The following TMPRSS15 variants were observed in gnomAD, a reference collection of about 807,000 sequenced individuals.
The protein encoded by TMPRSS15 is enteropeptidase.
In TMPRSS15, 128 loss-of-function variants were observed where a neutral mutation model predicts 125.3. The observed-to-expected ratio is 1.02, with a 90% CI of 0.89 to 1.18. The LOEUF (loss-of-function observed/expected upper bound fraction) is 1.18. TMPRSS15 is among the 50% of genes most tolerant of loss of function. TMPRSS15 has a pLI of 0.00. For synonymous variants in TMPRSS15, 446 were observed against 423.2 expected (o/e 1.05, Z -0.66); for missense variants, 1,283 against 1,212.7 (o/e 1.06, Z -0.86).
At chr21:18,414,262 T>A (rs1324374641) in intron 1 of TMPRSS15, among the ~76,000 whole-genome samples, 1 of 152,158 alleles carries the variant, frequency 6.6e-6, no homozygotes, top group Non-Finnish European at 1.5e-5. Flanking sequence ...ATGCCAACAA[T>A]GTAAAATCAT....
At chr21:18,471,770 T>C (rs1015376453) in intron 1 of TMPRSS15, among the ~76,000 whole-genome samples, 3 of 152,136 alleles carry the variant, frequency 2.0e-5, no homozygotes, top group Admixed American at 6.6e-5. Flanking sequence ...TCTGCTCCTG[T>C]AGATCTTTGC....
At chr21:18,418,313 T>C (rs551564336) in intron 1 of TMPRSS15, among the ~76,000 whole-genome samples, 2 of 152,362 alleles carry the variant, frequency 1.3e-5, no homozygotes, top group South Asian at 4.1e-4. Context: ...TTCTGTGGTC[T>C]TTCTGCATCT....
intron 3 of TMPRSS15, among the ~76,000 whole-genome samples, chr21:18,393,105 T>C (rs1287261594): frequency 4.6e-5 from 7 of 152,226 alleles, no homozygotes; most frequent in East Asian, 3.9e-4. Context: ...CAGAACGCTG[T>C]GTCGAGTTGG....
intron 21 of TMPRSS15, among the ~76,000 whole-genome samples, chr21:18,286,275 A>G (rs2074762616): frequency 6.6e-6 from 1 of 152,052 alleles, no homozygotes; most frequent in Non-Finnish European, 1.5e-5. Context: ...TCTCTTTTAT[A>G]TCTACACTGG....
At chr21:18,402,125 T>C (rs2076100582) in intron 1 of TMPRSS15, among the ~76,000 whole-genome samples, 1 of 152,166 alleles carries the variant, frequency 6.6e-6, no homozygotes, top group African/African-American at 2.4e-5. Flanking sequence ...GGAATTATAC[T>C]AAAATTATTT....
chr21:18,484,962 T>TA (rs1233166418), intron 1 of TMPRSS15, among the ~76,000 whole-genome samples: 1 of 151,874 alleles, frequency 6.6e-6, no homozygotes, highest in African/African-American at 2.4e-5. Flanking sequence ...ATAAGAGATT[T>TA]AAAAAAATCA....
At position 18,332,177 on chromosome 21, in the gene TMPRSS15, A is replaced by G; in HGVS notation, c.1565-4T>C. The G allele has an allele frequency of 6.2e-7, 1 of 1,612,396 alleles. No individual in the cohort carries two copies. Among genetic ancestry groups the G allele is most frequent in the Non-Finnish European group, 8.5e-7 (1 of 1,178,346 alleles). ...TCAAAAGGTCCTCCACAGTCCGCTG[A>G]AAAGGAAAGCAATGGGAAATCATCA... On this transcript the variant is annotated splice_region_variant and splice_polypyrimidine_tract_variant and intron_variant, in intron 13 of 24. Transcript: ENST00000284885.
intron 24 of TMPRSS15, 144 bp from the exon 25 acceptor site, chr21:18,270,268 T>G: frequency 3.0e-6 from 2 of 655,978 alleles, no homozygotes; most frequent in Non-Finnish European, 4.9e-6. Flanking sequence ...ATATTCTCAC[T>G]TTCACTCTAA....
intron 1 of TMPRSS15, among the ~76,000 whole-genome samples, chr21:18,427,183 G>A (rs532192173): frequency 1.6e-4 from 25 of 152,232 alleles, no homozygotes; most frequent in African/African-American, 6.0e-4. Context: ...TCTCTCCTTC[G>A]CTAGCTCATT....
intron 13 of TMPRSS15, among the ~76,000 whole-genome samples, chr21:18,334,396 T>C (rs567755201): frequency 6.6e-6 from 1 of 152,302 alleles, no homozygotes; most frequent in South Asian, 2.1e-4. Flanking sequence ...TCTTGCAAAG[T>C]GCTTCCATGC....
At chr21:18,434,248 T>C (rs1254783052) in intron 1 of TMPRSS15, among the ~76,000 whole-genome samples, 6 of 152,086 alleles carry the variant, frequency 3.9e-5, no homozygotes, top group Admixed American at 3.9e-4. Context: ...CTCATATCTA[T>C]AGCTAATCTC....
At chr21:18,387,843 A>G (rs1222740385) in intron 3 of TMPRSS15, among the ~76,000 whole-genome samples, 1 of 152,206 alleles carries the variant, frequency 6.6e-6, no homozygotes. Flanking sequence ...AAGGATTTAT[A>G]GATATACAGT....
intron 14 of TMPRSS15, among the ~76,000 whole-genome samples, chr21:18,331,084 A>G (rs938418605): frequency 1.3e-5 from 2 of 151,794 alleles, no homozygotes; most frequent in African/African-American, 4.8e-5. Flanking sequence ...AAAAAAAAAA[A>G]AAAAAAAGAT....
chr21:18,354,884 G>A (rs1245576557), intron 8 of TMPRSS15, among the ~76,000 whole-genome samples: 1 of 151,774 alleles, frequency 6.6e-6, no homozygotes, highest in African/African-American at 2.4e-5. Flanking sequence ...AAATAACAGT[G>A]AGTTATTTAA....
Position 18,342,372 on chromosome 21 carries a change from GT to G in TMPRSS15, c.1429-825del, listed in dbSNP as rs371571255. On this transcript the variant is annotated intron_variant, in intron 12 of 24. Coordinates refer to ENST00000284885, the MANE Select transcript of TMPRSS15 (RefSeq NM_002772.3). ...CTACTTCATGCCAGACATTATTCCAGTAGGTATTATTTTCTTCCTTACACAT... is the reference window on the plus strand; with the variant it reads ...CTACTTCATGCCAGACATTATTCCAGAGGTATTATTTTCTTCCTTACACAT... Among the ~76,000 whole-genome samples, 249 of 152,290 alleles carry G rather than the reference GT, an allele frequency of 1.6e-3. 1 individual carries two copies. Among genetic ancestry groups the G allele is most frequent in the Non-Finnish European group, 2.9e-3 (198 of 68,018 alleles).
intron 1 of TMPRSS15, among the ~76,000 whole-genome samples, chr21:18,399,927 C>T (rs146422067): frequency 2.0e-4 from 30 of 152,136 alleles, no homozygotes; most frequent in African/African-American, 4.3e-4. Flanking sequence ...CATTTCTATA[C>T]GCTAAATACA....
intron 9 of TMPRSS15, among the ~76,000 whole-genome samples, chr21:18,353,256 A>AATAC (rs2075589316): frequency 6.6e-6 from 1 of 151,916 alleles, no homozygotes; most frequent in East Asian, 1.9e-4. Flanking sequence ...GTGTTAAATT[A>AATAC]ATACATTTCC....
At chr21:18,387,626 C>T (rs1452943041) in intron 3 of TMPRSS15, among the ~76,000 whole-genome samples, 14 of 146,506 alleles carry the variant, frequency 9.6e-5, no homozygotes, top group Non-Finnish European at 1.9e-4. Flanking sequence ...CACACACACA[C>T]ACACACACAC....
chr21:18,410,753 T>A (rs912036340), intron 1 of TMPRSS15, among the ~76,000 whole-genome samples: 3 of 152,178 alleles, frequency 2.0e-5, no homozygotes, highest in Non-Finnish European at 4.4e-5. Flanking sequence ...AATCGAATTA[T>A]ATTCTGGAGA....
Sources: allele counts gnomAD v4.1 joint callset (sites outside exome capture counted in the v4.1 genomes callset), GRCh38; gene constraint gnomAD v4.1.1; transcripts MANE v1.5; gene names NCBI Gene and HGNC (gene_info 2026-07-23, HGNC 2026-07-21).